The following NDUFV1 variants were observed in gnomAD, a reference collection of about 807,000 sequenced individuals.
The protein encoded by NDUFV1 is NADH dehydrogenase [ubiquinone] flavoprotein 1, mitochondrial.
Under a neutral mutation model 48.7 loss-of-function variants are expected in NDUFV1, and 41 were observed. The ratio of observed to expected loss-of-function variants is 0.84; its 90% CI spans 0.66 to 1.09. The LOEUF (loss-of-function observed/expected upper bound fraction) is 1.09, where lower values mean the gene tolerates loss of function less well. Ranked by LOEUF, NDUFV1 falls within the 50% of genes least tolerant of loss-of-function variation. The probability of loss-of-function intolerance (pLI) is 0.00; values close to 1 mark genes in which losing one functional copy is unlikely to be tolerated. For missense variants in NDUFV1, 580 were observed against 645.4 expected (o/e 0.90, Z 1.10); for synonymous variants, 231 against 259.1 (o/e 0.89, Z 1.04).
intron 3 of NDUFV1, 157 bp from the exon 4 acceptor site, chr11:67,609,295 G>A (rs1364851538): frequency 2.8e-6 from 2 of 714,212 alleles, no homozygotes; most frequent in Non-Finnish European, 4.6e-6. Context: ...CATTGGTGGT[G>A]AGCAAGCAGA....
At chr11:67,607,135 C>T (rs914820033) in intron 1 of NDUFV1, 59 bp downstream of exon 1, 2 of 1,540,876 alleles carry the variant, frequency 1.3e-6, no homozygotes, top group Non-Finnish European at 1.8e-6. Flanking sequence ...CGGCCGCGCC[C>T]GTGCACGAGC....
chr11:67,608,627 G>A lies in NDUFV1; in HGVS notation c.231G>A (p.Leu77=), dbSNP rs1343973326. The change falls in exon 3 of 10, where the codon CTG becomes CTA. Residue 77 remains leucine, a synonymous_variant. Coordinates refer to ENST00000322776, the MANE Select transcript of NDUFV1 (RefSeq NM_007103.4). ...EILLKGPDWI[L]GEIKTSGLRG... is the part of the protein sequence containing the mutation. The stretch of plus-strand genomic sequence containing the variant: ...TGCTGAAGGGGCCCGACTGGATCCT[G>A]GGCGAGATCAAGACATCGGGTTTGA... The A allele has an allele frequency of 3.1e-6, 5 of 1,614,144 alleles. No individual in the cohort carries two copies. Among genetic ancestry groups the A allele is most frequent in the Non-Finnish European group, 4.2e-6 (5 of 1,180,018 alleles).
intron 2 of NDUFV1, 30 bp from the exon 3 acceptor site, chr11:67,608,522 C>A: frequency 6.2e-7 from 1 of 1,614,202 alleles, no homozygotes; most frequent in Non-Finnish European, 8.5e-7. Context: ...AGCAAGGTGT[C>A]CCCTTCATTG....
rs545121812 is a variant in NDUFV1 at position 67,611,280 on chromosome 11, G to A, written c.913+73G>A. On this transcript the variant is annotated intron_variant, in intron 6 of 9. Coordinates refer to ENST00000322776, the MANE Select transcript of NDUFV1 (RefSeq NM_007103.4). The surrounding 1 kb of genome is among the most constrained non-coding windows in gnomAD (Gnocchi z 4.2). ...AGGTGTCCACAAAGAGAGCCTGGGC[G>A]GGAGGGCTCAGGAGACGGGGCTGGG... 33 of 1,594,210 alleles carry A rather than the reference G, an allele frequency of 2.1e-5. No homozygotes were observed. The African/African-American group carries it at 2.5e-4, about 12-fold the overall frequency.
intron 5 of NDUFV1, 163 bp downstream of exon 5, chr11:67,610,733 T>C (rs1483316478): frequency 2.0e-6 from 2 of 1,003,912 alleles, no homozygotes; most frequent in African/African-American, 1.6e-5. Context: ...GGCCGCCTGC[T>C]GTCCCTCCTC....
At chr11:67,607,209 C>T in intron 1 of NDUFV1, 133 bp downstream of exon 1, 1 of 1,031,164 alleles carries the variant, frequency 9.7e-7, no homozygotes, top group Non-Finnish European at 1.5e-6. Context: ...GGAAGGCCCC[C>T]GCTCCGGCCT....
intron 1 of NDUFV1, chr11:67,607,408 G>A (rs1302081040): frequency 1.7e-5 from 9 of 537,204 alleles, no homozygotes; most frequent in Non-Finnish European, 1.4e-5. Context: ...TTAGGGATGC[G>A]CACCTCCTGA....
rs74344930 is a variant in NDUFV1 at position 67,609,000 on chromosome 11, C to G, written c.326+278C>G. Among the ~76,000 whole-genome samples the G allele has an allele frequency of 0.046, 7,023 of 152,218 alleles. 529 individuals are homozygous for G. Among genetic ancestry groups the G allele is most frequent in the African/African-American group, 0.16 (6,638 of 41,496 alleles). ...TGGGCAATTTCCCAGCCTTTGTGAA[C>G]CTTAGCTTCCTTTTTGTAAATAGGT... On this transcript the variant is annotated intron_variant, in intron 3 of 9. Coordinates refer to ENST00000322776, the MANE Select transcript of NDUFV1 (RefSeq NM_007103.4).
In NDUFV1 at chr11:67,611,532, G is replaced by T; in HGVS notation, c.1043G>T (p.Gly348Val). The stretch of plus-strand genomic sequence containing the variant: ...GATGCGCTGGTGCAGGCACAGACAG[G>T]CCTGGGCACAGCTGCGGTGATCGTC... ...DFDALVQAQT[G>V]LGTAAVIVMD... The change falls in exon 7 of 10, where the codon GGC becomes GTC. Residue 348 changes from glycine to valine, a missense_variant. By Grantham distance (109) the Gly-to-Val change is moderately radical. Coordinates refer to ENST00000322776, the MANE Select transcript of NDUFV1 (RefSeq NM_007103.4). The surrounding 1 kb of genome is among the most constrained non-coding windows in gnomAD (Gnocchi z 4.2). The T allele has an allele frequency of 6.2e-7, 1 of 1,612,016 alleles. No individual in the cohort carries two copies.
intron 2 of NDUFV1, 34 bp from the exon 3 acceptor site, chr11:67,608,518 G>A (rs371267021): frequency 6.2e-7 from 1 of 1,614,228 alleles, no homozygotes; most frequent in Non-Finnish European, 8.5e-7. Context: ...CCGGAGCAAG[G>A]TGTCCCCTTC....
chr11:67,610,720 C>A, intron 5 of NDUFV1, 150 bp downstream of exon 5: 3 of 1,117,484 alleles, frequency 2.7e-6, no homozygotes, highest in Middle Eastern at 2.8e-4. Context: ...CAGGCTCCCC[C>A]AGGGCCGCCT....
rs1854819003 is a variant in NDUFV1 at position 67,607,067 on chromosome 11, C to T, written c.63C>T (p.Ser21=). Residue 21 remains serine (S), a synonymous_variant, in exon 1 of 10, where the codon AGC becomes AGT. Transcript: ENST00000322776. ...CCGCGCGGGTATCTGTGCGTTTCAG[C>T]GGCGACACGGTGAGGCCCAGCCTGG... The part of the protein sequence containing the change: ...SLPARVSVRF[S]GDTTAPKKTS... 1 of 1,606,596 alleles carries T rather than the reference C, an allele frequency of 6.2e-7. No individual in the cohort carries two copies. The highest frequency in any genetic ancestry group is 1.3e-5 in the African/African-American group (1 of 75,002).
At chr11:67,607,357 T>G (rs1177013688) in intron 1 of NDUFV1, 3 of 630,944 alleles carry the variant, frequency 4.8e-6, no homozygotes, top group Non-Finnish European at 8.8e-6. Flanking sequence ...CATTCTCTCC[T>G]TGTCACAGCC....
chr11:67,611,234 G>A lies in NDUFV1; in HGVS notation c.913+27G>A. 4 of 1,607,436 alleles carry A rather than the reference G, an allele frequency of 2.5e-6. No individual in the cohort carries two copies. The highest frequency in any genetic ancestry group is 2.2e-5 in the South Asian group (2 of 90,882). Reference sequence around the variant, plus strand: ...TAAGGCCTGGGGCCAGCCAGGTGGTGGGGGGGTGCGCAGTGGGGGCAGGTG... The same window carrying A: ...TAAGGCCTGGGGCCAGCCAGGTGGTAGGGGGGTGCGCAGTGGGGGCAGGTG... On this transcript the variant is annotated intron_variant, in intron 6 of 9. Coordinates refer to ENST00000322776, the MANE Select transcript of NDUFV1 (RefSeq NM_007103.4). The surrounding 1 kb of genome is among the most constrained non-coding windows in gnomAD (Gnocchi z 4.2).
chr11:67,610,366 A>G lies in NDUFV1; in HGVS notation c.511-15A>G, dbSNP rs201728521. The stretch of plus-strand genomic sequence containing the variant: ...GCTGGGGGTGGGCTGGGAAACTCAC[A>G]CCTTTGTCCTGCAGGTGGCCATCCG... On this transcript the variant is annotated splice_polypyrimidine_tract_variant and intron_variant, in intron 4 of 9. Transcript: ENST00000322776. The G allele has an allele frequency of 6.2e-6, 10 of 1,614,030 alleles. No homozygotes were observed. The highest frequency in any genetic ancestry group is 7.6e-6 in the Non-Finnish European group (9 of 1,179,994).
chr11:67,610,669 C>T (rs1321076516), intron 5 of NDUFV1, 99 bp downstream of exon 5: 24 of 1,496,396 alleles, frequency 1.6e-5, no homozygotes, highest in Non-Finnish European at 2.2e-5. Flanking sequence ...TGAGTGGCTT[C>T]CCGGCTGGGG....
Position 67,610,462 on chromosome 11 carries a change from G to C in NDUFV1, c.592G>C (p.Val198Leu), listed in dbSNP as rs768642336. The C allele has an allele frequency of 6.8e-6, 11 of 1,614,094 alleles. No homozygotes were observed. Among genetic ancestry groups the C allele is most frequent in the Non-Finnish European group, 2.5e-6 (3 of 1,180,052 alleles). ...GSGYDFDVFV[V>L]RGAGAYICGE... ...TGGCTATGATTTTGACGTGTTTGTG[G>C]TGCGCGGGGCTGGGGCCTACATCTG... The change falls in exon 5 of 10, where the codon GTG becomes CTG. Residue 198 changes from valine (V) to leucine (L), a missense_variant. Transcript: ENST00000322776.
Position 67,609,558 on chromosome 11 carries a change from G to C in NDUFV1, c.433G>C (p.Gly145Arg). 1.9e-6 allele frequency: 3 copies of C among 1,612,972 alleles called. No individual in the cohort carries two copies. Among genetic ancestry groups the C allele is most frequent in the Non-Finnish European group, 1.7e-6 (2 of 1,179,892 alleles). Residue 145 changes from glycine to arginine, a missense_variant, in exon 4 of 10, where the codon GGG (glycine) becomes CGG (arginine). Physicochemically the swap from Gly to Arg is moderately radical, Grantham distance 125 (BLOSUM62 -2). Transcript: ENST00000322776. ...CAAGCTGCTGGAAGGCTGCCTGGTG[G>C]GGGGCCGGGCCATGGGCGCCCGCGC... ...PHKLLEGCLV[G>R]GRAMGARAAY...
At chr11:67,610,859 C>T (rs1854900430) in intron 5 of NDUFV1, 136 bp from the exon 6 acceptor site, 3 of 897,382 alleles carry the variant, frequency 3.3e-6, no homozygotes, top group Non-Finnish European at 5.3e-6. Context: ...GTTTGGGGTC[C>T]AGCAGGGATA....
Sources: gnomAD v4.1 joint callset for allele counts (sites outside exome capture counted in the v4.1 genomes callset) on GRCh38, gnomAD v4.1.1 for gene constraint, Gnocchi (gnomAD v3.1) non-coding constraint, MANE v1.5 for transcripts, NCBI Gene and HGNC (gene_info 2026-07-23, HGNC 2026-07-21) for gene names.